Variants in KIDINS220 observed in about 807,000 individuals in gnomAD.
The protein encoded by KIDINS220 is kinase D interacting substrate 220, also known as kinase D-interacting substrate of 220 kDa.
A neutral mutation model predicts 157.6 loss-of-function variants in KIDINS220; 63 were observed. That is an observed-to-expected ratio of 0.40 (90% CI 0.33 to 0.49). The LOEUF (loss-of-function observed/expected upper bound fraction) is 0.49, where lower values mean the gene tolerates loss of function less well. KIDINS220 is among the 20% of genes least tolerant of loss of function. The pLI, the probability that KIDINS220 is intolerant of heterozygous loss-of-function variation, is 0.66. For synonymous variants in KIDINS220, 732 were observed against 783.6 expected, an observed-to-expected ratio of 0.93 and a Z score of 1.10; for missense variants, 1,772 against 2,171.2, an observed-to-expected ratio of 0.82 and a Z score of 3.65.
intron 17 of KIDINS220, among the ~76,000 whole-genome samples, chr2:8,780,852 AAAG>A (rs1236846635): frequency 1.3e-5 from 2 of 151,960 alleles, no homozygotes; most frequent in African/African-American, 2.4e-5. Flanking sequence ...TAAAAGACAA[AAAG>A]AAGAGTAGAA....
chr2:8,749,450 T>G (rs1356372291), intron 24 of KIDINS220: 1 of 455,346 alleles, frequency 2.2e-6, no homozygotes, highest in Non-Finnish European at 4.4e-6. Context: ...TTTGAGGTCA[T>G]TAAAGTGAGA....
At chr2:8,748,067 C>A in intron 24 of KIDINS220, 67 bp from the exon 25 acceptor site, 2 of 860,042 alleles carry the variant, frequency 2.3e-6, no homozygotes, top group South Asian at 2.6e-5. Flanking sequence ...TGAGATTTTT[C>A]AAATGAAACC....
intron 20 of KIDINS220, among the ~76,000 whole-genome samples, chr2:8,777,257 A>T (rs1193372746): frequency 6.6e-6 from 1 of 152,168 alleles, no homozygotes; most frequent in East Asian, 1.9e-4. Context: ...TAATAAAGCA[A>T]ATAAGCCCTT....
chr2:8,796,755 C>T lies in KIDINS220; in HGVS notation c.1098+16G>A, dbSNP rs367848355. On this transcript the variant is annotated intron_variant, in intron 11 of 29. Transcript: ENST00000256707. ...ACAGCTTTCCATACAGTGTTCTCTC[C>T]GCACAGATGTTTTACCTTATCTACA... 3.1e-4 allele frequency: 494 copies of T among 1,590,810 alleles called. 7 individuals are homozygous for T. The South Asian group carries it at 4.4e-3, about 14-fold the overall frequency.
intron 22 of KIDINS220, among the ~76,000 whole-genome samples, chr2:8,759,990 G>A (rs974659156): frequency 7.3e-4 from 111 of 152,180 alleles, no homozygotes; most frequent in African/African-American, 2.4e-3. Context: ...GCAGCAGAGC[G>A]GGTACCTGCT....
At chr2:8,775,785 G>A (rs544408463) in intron 21 of KIDINS220, among the ~76,000 whole-genome samples, 2 of 152,268 alleles carry the variant, frequency 1.3e-5, no homozygotes, top group Admixed American at 6.5e-5. Flanking sequence ...GCAACAATCT[G>A]TGTGTTGATG....
At chr2:8,750,384 G>A (rs1225406915) in intron 23 of KIDINS220, 49 bp from the exon 24 acceptor site, 4 of 1,305,360 alleles carry the variant, frequency 3.1e-6, no homozygotes, top group Non-Finnish European at 4.1e-6. Context: ...CAGGACATTA[G>A]GAATCAGTCC....
At chr2:8,740,099 T>C (rs1006424391) in intron 26 of KIDINS220, 3 of 818,884 alleles carry the variant, frequency 3.7e-6, no homozygotes, top group Non-Finnish European at 4.4e-6. Context: ...TTGCCAATGA[T>C]TGCTTCTAGT....
At chr2:8,806,493 C>T (rs956823998) in intron 6 of KIDINS220, 124 bp from the exon 7 acceptor site, 4 of 584,138 alleles carry the variant, frequency 6.8e-6, no homozygotes, top group African/African-American at 3.9e-5. Context: ...ATACATTTAT[C>T]GTAATTGTAA....
chr2:8,726,921 A>C (rs1042842703), downstream of KIDINS220: 2 of 1,289,224 alleles, frequency 1.6e-6, no homozygotes, highest in Non-Finnish European at 2.0e-6. Context: ...AGAGCTATCT[A>C]TCTCAAGGCC....
chr2:8,794,859 A>G (rs1294553537), intron 11 of KIDINS220, among the ~76,000 whole-genome samples: 1 of 152,194 alleles, frequency 6.6e-6, no homozygotes, highest in Non-Finnish European at 1.5e-5. Context: ...GCACGACCTT[A>G]TCTTGAACTT....
At chr2:8,788,840 C>T (rs1165372352) in intron 14 of KIDINS220, 28 bp from the exon 15 acceptor site, 7 of 1,601,688 alleles carry the variant, frequency 4.4e-6, no homozygotes, top group Non-Finnish European at 6.0e-6. Context: ...AAAAAGTTAT[C>T]CAAAGCAGTC....
chr2:8,775,824 CA>C (rs1670890276), intron 21 of KIDINS220, among the ~76,000 whole-genome samples: 2 of 152,050 alleles, frequency 1.3e-5, no homozygotes, highest in Non-Finnish European at 2.9e-5. Flanking sequence ...GAGGGAAGGC[CA>C]TCTCCTGTTT....
At chr2:8,781,141 T>G (rs1279753818) in intron 17 of KIDINS220, among the ~76,000 whole-genome samples, 4 of 1,214 alleles carry the variant, frequency 3.3e-3, no homozygotes, top group African/African-American at 5.4e-3. Context: ...ATATTAATTA[T>G]TATATATATA....
intron 26 of KIDINS220, among the ~76,000 whole-genome samples, chr2:8,745,017 G>C (rs544459251): frequency 6.6e-6 from 1 of 152,084 alleles, no homozygotes; most frequent in African/African-American, 2.4e-5. Flanking sequence ...AGAATCACAC[G>C]ATTTCCCCTT....
chr2:8,812,339 T>A (rs1676438668), intron 6 of KIDINS220, 56 bp downstream of exon 6: 1 of 829,840 alleles, frequency 1.2e-6, no homozygotes, highest in Non-Finnish European at 1.9e-6. Flanking sequence ...GTTTATAACT[T>A]AGACACTGAG....
At chr2:8,734,547 C>T in intron 28 of KIDINS220, 108 bp downstream of exon 28, 1 of 647,496 alleles carries the variant, frequency 1.5e-6, no homozygotes, top group Non-Finnish European at 2.5e-6. Context: ...AAAAAAATAC[C>T]AGTTTAGGCC....
intron 22 of KIDINS220, among the ~76,000 whole-genome samples, chr2:8,752,323 T>A (rs1043219772): frequency 1.7e-4 from 23 of 132,978 alleles, no homozygotes; most frequent in East Asian, 5.9e-4. Flanking sequence ...AGTCTAAAAA[T>A]TTTTTTTTTT....
At chr2:8,724,436 C>G (rs184213713), downstream of KIDINS220, 1 of 152,020 alleles carries the variant, frequency 6.6e-6, no homozygotes, top group Non-Finnish European at 1.5e-5. This position sits in a 1 kb window ranked among gnomAD's most constrained non-coding sequence, Gnocchi z 4.6. Context: ...TTAGTAGAGA[C>G]GGGGTTTCAC....
Sources: gnomAD v4.1 joint callset for allele counts (sites outside exome capture counted in the v4.1 genomes callset) on GRCh38, gnomAD v4.1.1 for gene constraint, Gnocchi (gnomAD v3.1) non-coding constraint, MANE v1.5 for transcripts, NCBI Gene and HGNC (gene_info 2026-07-23, HGNC 2026-07-21) for gene names.